ZNF804A: variants seen among roughly 807,000 people sequenced by gnomAD.
ZNF804A encodes zinc finger protein 804A.
In ZNF804A, 2 loss-of-function variants were observed where a neutral mutation model predicts 16.5. The ratio of observed to expected loss-of-function variants is 0.12; its 90% CI spans 0.05 to 0.38. The LOEUF is 0.38. Among genes scored for constraint, ZNF804A ranks in the 10% least tolerant of loss-of-function variants. The pLI, the probability that ZNF804A is intolerant of heterozygous loss-of-function variation, is 0.99. For synonymous variants in ZNF804A, 534 were observed against 489.6 expected (o/e 1.09, Z -1.20); for missense variants, 1,473 against 1,390.7 (o/e 1.06, Z -0.94).
intron 1 of ZNF804A, among the ~76,000 whole-genome samples, chr2:184,764,799 T>C (rs1355966137): frequency 6.6e-6 from 1 of 152,136 alleles, no homozygotes; most frequent in African/African-American, 2.4e-5. Flanking sequence ...GTCAATATAA[T>C]AGTTTATGAA....
At chr2:184,750,666 T>G (rs1693864282) in intron 1 of ZNF804A, among the ~76,000 whole-genome samples, 1 of 151,418 alleles carries the variant, frequency 6.6e-6, no homozygotes, top group Non-Finnish European at 1.5e-5. Flanking sequence ...TCTTTATTAT[T>G]ATGATTACTA....
chr2:184,652,343 A>C (rs949522818), intron 1 of ZNF804A, among the ~76,000 whole-genome samples: 1 of 152,186 alleles, frequency 6.6e-6, no homozygotes, highest in Non-Finnish European at 1.5e-5. Flanking sequence ...TACTATGTTC[A>C]GTACCTGCAT....
In ZNF804A at chr2:184,727,147, T is replaced by G. The variant is rs368267819; in HGVS notation, c.111+128077T>G. 4.9e-4 allele frequency among the ~76,000 whole-genome samples: 74 copies of G among 151,746 alleles called. No homozygotes were observed. The South Asian group carries it at 7.7e-3, about 16-fold the overall frequency. ...GTTAGCATTTCATTTAGGGTCTTATTAAAAATGCCCTGGCATTTCTGTTTG... is the reference window on the plus strand; with the variant it reads ...GTTAGCATTTCATTTAGGGTCTTATGAAAAATGCCCTGGCATTTCTGTTTG... On this transcript the variant is annotated intron_variant, in intron 1 of 3. Transcript: ENST00000302277.
At chr2:184,859,545 G>A (rs1695759192) in intron 1 of ZNF804A, among the ~76,000 whole-genome samples, 1 of 151,938 alleles carries the variant, frequency 6.6e-6, no homozygotes, top group African/African-American at 2.4e-5. Context: ...AAAGTTCACT[G>A]AGCTTCCTTA....
chr2:184,866,907 T>A (rs748870616), intron 2 of ZNF804A, among the ~76,000 whole-genome samples: 4 of 150,806 alleles, frequency 2.7e-5, no homozygotes, highest in Admixed American at 6.6e-5. Context: ...AATATATACA[T>A]ATATTTATCA....
At chr2:184,718,713 A>G (rs1390212326) in intron 1 of ZNF804A, among the ~76,000 whole-genome samples, 1 of 152,166 alleles carries the variant, frequency 6.6e-6, no homozygotes, top group Non-Finnish European at 1.5e-5. Flanking sequence ...ACGCTGATAC[A>G]AGAAGTGGGT....
intron 1 of ZNF804A, among the ~76,000 whole-genome samples, chr2:184,712,157 T>C (rs1341664153): frequency 6.6e-6 from 1 of 151,658 alleles, no homozygotes; most frequent in East Asian, 1.9e-4. Flanking sequence ...AGTTATGTAG[T>C]TTTCAGTGTC....
At chr2:184,934,470 G>T (rs1414229257) in intron 3 of ZNF804A, among the ~76,000 whole-genome samples, 5 of 152,030 alleles carry the variant, frequency 3.3e-5, no homozygotes, top group African/African-American at 1.2e-4. Flanking sequence ...GGGATACGTT[G>T]ACATATCGAA....
intron 1 of ZNF804A, among the ~76,000 whole-genome samples, chr2:184,715,068 C>T (rs942230374): frequency 2.0e-5 from 3 of 152,074 alleles, no homozygotes; most frequent in Non-Finnish European, 2.9e-5. Flanking sequence ...CTGTGTCCCA[C>T]GAGAGTAGCC....
At chr2:184,824,657 T>G (rs555030079) in intron 1 of ZNF804A, among the ~76,000 whole-genome samples, 1 of 152,288 alleles carries the variant, frequency 6.6e-6, no homozygotes, top group East Asian at 1.9e-4. Flanking sequence ...AACCACTTTT[T>G]TATTGTAATT....
chr2:184,851,264 T>C (rs1383042302), intron 1 of ZNF804A, among the ~76,000 whole-genome samples: 2 of 151,846 alleles, frequency 1.3e-5, no homozygotes, highest in Non-Finnish European at 2.9e-5. Flanking sequence ...AGTCACCATA[T>C]TGTGAAACTA....
intron 1 of ZNF804A, among the ~76,000 whole-genome samples, chr2:184,658,807 A>AAATGTTTTCAGGCAAAG (rs1452525402): frequency 6.6e-6 from 1 of 152,224 alleles, no homozygotes; most frequent in Non-Finnish European, 1.5e-5. Context: ...TGTTTCAGGC[A>AAATGTTTTCAGGCAAAG]AATGTTTTCA....
chr2:184,674,922 CTT>C (rs1260517809), intron 1 of ZNF804A, among the ~76,000 whole-genome samples: 2 of 151,756 alleles, frequency 1.3e-5, no homozygotes, highest in Non-Finnish European at 3.0e-5. Flanking sequence ...CTAAAGTTTA[CTT>C]ATTAATTGAT....
At chr2:184,815,476 A>G (rs1694969884) in intron 1 of ZNF804A, among the ~76,000 whole-genome samples, 1 of 151,898 alleles carries the variant, frequency 6.6e-6, no homozygotes. Flanking sequence ...AATGGACATT[A>G]TAATAAAATA....
intron 1 of ZNF804A, among the ~76,000 whole-genome samples, chr2:184,799,324 A>C (rs559271183): frequency 5.9e-5 from 9 of 152,090 alleles, no homozygotes; most frequent in Admixed American, 4.6e-4. Context: ...TTAATGTCAA[A>C]CTAGCCTTGC....
At chr2:184,893,334 AGTT>A (rs1001845963) in intron 2 of ZNF804A, among the ~76,000 whole-genome samples, 11 of 151,978 alleles carry the variant, frequency 7.2e-5, no homozygotes, top group Non-Finnish European at 1.0e-4. Flanking sequence ...TTATCTATTC[AGTT>A]GTTGTTTTAA....
At chr2:184,823,333 T>A (rs564382255) in intron 1 of ZNF804A, among the ~76,000 whole-genome samples, 2 of 152,142 alleles carry the variant, frequency 1.3e-5, no homozygotes, top group African/African-American at 4.8e-5. Context: ...CAGTTCTTAA[T>A]ACTGTTATAT....
At chr2:184,808,865 G>A (rs1047264030) in intron 1 of ZNF804A, among the ~76,000 whole-genome samples, 6 of 151,610 alleles carry the variant, frequency 4.0e-5, no homozygotes, top group African/African-American at 1.2e-4. Flanking sequence ...ATAGCCACAA[G>A]CATATTTGTT....
At chr2:184,853,648 T>G (rs1276856323) in intron 1 of ZNF804A, among the ~76,000 whole-genome samples, 2 of 151,880 alleles carry the variant, frequency 1.3e-5, no homozygotes, top group African/African-American at 2.4e-5. Context: ...TCTATTGAAA[T>G]GATCATACGG....
Sources: gnomAD v4.1 joint callset for allele counts (sites outside exome capture counted in the v4.1 genomes callset) on GRCh38, gnomAD v4.1.1 for gene constraint, MANE v1.5 for transcripts, NCBI Gene and HGNC (gene_info 2026-07-23, HGNC 2026-07-21) for gene names.